Variants in SLC35F5 observed in about 807,000 individuals in gnomAD.
The protein encoded by SLC35F5 is HCV NS5A-transactivated protein 3.
A neutral mutation model predicts 68.6 loss-of-function variants in SLC35F5; 54 were observed. That is an observed-to-expected ratio of 0.79 (90% CI 0.63 to 0.99). SLC35F5 has a LOEUF of 0.99. Ranked by LOEUF, SLC35F5 falls within the 50% of genes least tolerant of loss-of-function variation. SLC35F5 has a pLI of 0.00. For synonymous variants in SLC35F5, 211 were observed against 205.2 expected (o/e 1.03, Z -0.24); for missense variants, 567 against 626.9 (o/e 0.90, Z 1.02).
chr2:113,737,930 T>C (rs1409268034), intron 7 of SLC35F5, among the ~76,000 whole-genome samples: 1 of 151,840 alleles, frequency 6.6e-6, no homozygotes, highest in Non-Finnish European at 1.5e-5. Context: ...ATATATTTCA[T>C]AATTTCATTA....
At chr2:113,749,172 T>C (rs1676637456) in intron 4 of SLC35F5, among the ~76,000 whole-genome samples, 1 of 152,212 alleles carries the variant, frequency 6.6e-6, no homozygotes, top group Non-Finnish European at 1.5e-5. Context: ...ATTACAGGCA[T>C]GAGCCACCAA....
chr2:113,702,955 A>G (rs973164572), downstream of SLC35F5, among the ~76,000 whole-genome samples: 1 of 152,000 alleles, frequency 6.6e-6, no homozygotes, highest in African/African-American at 2.4e-5. Context: ...CTAAAAATCA[A>G]AAAACTTAGC....
chr2:113,754,828 G>C (rs1368655292), intron 3 of SLC35F5, among the ~76,000 whole-genome samples: 2 of 152,224 alleles, frequency 1.3e-5, no homozygotes, highest in East Asian at 1.9e-4. Flanking sequence ...ACATTGTTTT[G>C]CATCCTGACA....
chr2:113,741,578 G>A (rs547173131), intron 7 of SLC35F5, among the ~76,000 whole-genome samples: 2 of 152,026 alleles, frequency 1.3e-5, no homozygotes, highest in East Asian at 3.9e-4. Context: ...GCGCATGCCT[G>A]TAATCCCAGC....
intron 1 of SLC35F5, chr2:113,756,164 G>A: frequency 1.4e-6 from 2 of 1,453,402 alleles, no homozygotes; most frequent in Non-Finnish European, 1.8e-6. Flanking sequence ...CCGAGGCGAG[G>A]GCGCACGCAC....
At chr2:113,703,428 T>C (rs1474671788), downstream of SLC35F5, among the ~76,000 whole-genome samples, 2 of 152,150 alleles carry the variant, frequency 1.3e-5, no homozygotes, top group Non-Finnish European at 2.9e-5. Context: ...CAAAATATAA[T>C]TCCAATTTTA....
intron 5 of SLC35F5, among the ~76,000 whole-genome samples, chr2:113,744,612 G>A (rs1029121292): frequency 6.6e-6 from 1 of 152,204 alleles, no homozygotes; most frequent in African/African-American, 2.4e-5. Context: ...TTAGCTGAGC[G>A]TGGTGGTGTG....
Position 113,729,436 on chromosome 2 carries a change from T to C in SLC35F5, c.1055A>G (p.Asp352Gly). 1.9e-6 allele frequency: 3 copies of C among 1,587,704 alleles called. No homozygotes were observed. Among genetic ancestry groups the C allele is most frequent in the Non-Finnish European group, 2.6e-6 (3 of 1,164,870 alleles). ...TGGAATATCCAACTTGTCTTCTCTATCTACTTTTCTCTTAATCATAACAAT... is the reference window on the plus strand; with the variant it reads ...TGGAATATCCAACTTGTCTTCTCTACCTACTTTTCTCTTAATCATAACAAT... ...VYIVMIKRKV[D>G]REDKLDIPMF... The change falls in exon 11 of 16, where the codon GAT (aspartate) becomes GGT (glycine). Residue 352 changes from aspartate (D) to glycine (G), a missense_variant. By Grantham distance (94) the Asp-to-Gly change is moderately conservative (BLOSUM62 -1). Transcript: ENST00000245680.
At chr2:113,731,744 A>G in intron 9 of SLC35F5, 96 bp from the exon 10 acceptor site, 1 of 910,480 alleles carries the variant, frequency 1.1e-6, no homozygotes. Flanking sequence ...GACTAATCTC[A>G]ACTTTGGGTA....
At position 113,717,807 on chromosome 2, in the gene SLC35F5, G is replaced by A; in HGVS notation, c.1540C>T (p.His514Tyr). ...SEQCESLISM[H>Y]SVSQEDGAS Reference sequence around the variant, plus strand: ...GCTCCATCCTCCTGAGAAACACTGTGCATAGAAATGAGACTCTCACACTGT... The same window carrying A: ...GCTCCATCCTCCTGAGAAACACTGTACATAGAAATGAGACTCTCACACTGT... Residue 514 changes from histidine to tyrosine, a missense_variant, in exon 15 of 16, where the codon CAC (histidine) becomes TAC (tyrosine). Coordinates refer to ENST00000245680, the MANE Select transcript of SLC35F5 (RefSeq NM_025181.5). 3.1e-6 allele frequency: 5 copies of A among 1,613,344 alleles called. No homozygotes were observed. Among genetic ancestry groups the A allele is most frequent in the Non-Finnish European group, 4.2e-6 (5 of 1,179,688 alleles).
At position 113,721,971 on chromosome 2, in the gene SLC35F5, C is replaced by CTTTTTT. The variant is rs71297192; in HGVS notation, c.1341+1127_1341+1132dup. 1.3e-3 allele frequency among the ~76,000 whole-genome samples: 145 copies of CTTTTTT among 107,638 alleles called. 1 individual carries two copies. The highest frequency in any genetic ancestry group is 1.9e-3 in the Non-Finnish European group (101 of 53,988). 70.6% of individuals were successfully genotyped at this position (107,638 alleles called of 152,430 possible). On this transcript the variant is annotated intron_variant, in intron 13 of 15. Transcript: ENST00000245680. ...AGCACTAAGCATATTTTGCTTTTAT[C>CTTTTTT]TTTTTTTTTTTTTTTTTTTTTGAGA...
chr2:113,750,424 C>A lies in SLC35F5; in HGVS notation c.417+1G>T. The A allele has an allele frequency of 6.3e-6, 10 of 1,592,216 alleles. No individual in the cohort carries two copies. The highest frequency in any genetic ancestry group is 7.7e-6 in the Non-Finnish European group (9 of 1,170,874). On this transcript the variant is annotated splice_donor_variant, in intron 4 of 15. Coordinates refer to ENST00000245680, the MANE Select transcript of SLC35F5 (RefSeq NM_025181.5). LOFTEE classifies it high-confidence loss of function. ...ACAGACAGTTAAAATTAAAAACTTA[C>A]AAAAGCAGCATGCTTTCCGCGAAGT...
At chr2:113,733,520 C>A in intron 9 of SLC35F5, 1 of 202,056 alleles carries the variant, frequency 4.9e-6, no homozygotes, top group South Asian at 7.3e-5. Context: ...AAAATTTGCT[C>A]GGCTTAAAAC....
At chr2:113,703,147 G>C (rs780626900), downstream of SLC35F5, among the ~76,000 whole-genome samples, 25 of 151,442 alleles carry the variant, frequency 1.7e-4, no homozygotes, top group South Asian at 1.3e-3. Context: ...ATAACTCAAA[G>C]TTTAATGAAT....
intron 13 of SLC35F5, chr2:113,719,736 AG>A (rs1204595511): frequency 1.3e-5 from 2 of 155,046 alleles, no homozygotes; most frequent in African/African-American, 4.8e-5. Flanking sequence ...TTTCGTAAAA[AG>A]TTACAGTTGT....
In SLC35F5 at chr2:113,714,789, T is replaced by A. The variant is rs1687118078; in HGVS notation, c.*429A>T. ...CACACTTATTACAGGTAGCTTATTT[T>A]AGCATTTTACCTGTCAGAAATACTG... On this transcript the variant is annotated 3_prime_UTR_variant, in exon 16 of 16. Coordinates refer to ENST00000245680, the MANE Select transcript of SLC35F5 (RefSeq NM_025181.5). The A allele has an allele frequency of 1.3e-5, 2 of 152,680 alleles. No homozygotes were observed. The highest frequency in any genetic ancestry group is 4.8e-5 in the African/African-American group (2 of 41,596). 9.5% of individuals were successfully genotyped at this position (152,680 alleles called of 1,614,324 possible). A position where few individuals can be genotyped will look rare whatever the true frequency, so the allele number is the denominator to read the frequency against.
intron 14 of SLC35F5, among the ~76,000 whole-genome samples, chr2:113,718,905 GAAAGAAAGAAAGAAAGAAAGAAAAAGA>G (rs1559317958): frequency 1.6e-4 from 18 of 111,212 alleles, no homozygotes; most frequent in Non-Finnish European, 3.4e-4. Context: ...AAGAAAGAAA[GAAAGAAAGAAAGAAAGAAAGAAAAAGA>G]AAGGAAGAAA....
intron 3 of SLC35F5, 24 bp from the exon 4 acceptor site, chr2:113,750,592 A>G (rs1676695218): frequency 7.6e-6 from 12 of 1,588,160 alleles, no homozygotes; most frequent in Non-Finnish European, 1.0e-5. Flanking sequence ...AGTTACACAG[A>G]CAACTCTGAG....
chr2:113,723,970 T>C (rs1328020884), intron 12 of SLC35F5, among the ~76,000 whole-genome samples: 1 of 152,206 alleles, frequency 6.6e-6, no homozygotes, highest in Non-Finnish European at 1.5e-5. Flanking sequence ...CCATAATGTA[T>C]ATTGTTAGGA....
Sources: allele counts gnomAD v4.1 joint callset (sites outside exome capture counted in the v4.1 genomes callset), GRCh38; gene constraint gnomAD v4.1.1; transcripts MANE v1.5; gene names NCBI Gene and HGNC (gene_info 2026-07-23, HGNC 2026-07-21).